Variants in PACS1 observed in about 807,000 individuals in gnomAD.
PACS1 encodes PACS-1.
PACS1 carries 24 observed loss-of-function variants against 115.0 expected under a neutral mutation model. The observed-to-expected ratio is 0.21, with a 90% CI of 0.15 to 0.29. The LOEUF (loss-of-function observed/expected upper bound fraction) is 0.29. Ranked by LOEUF, PACS1 falls within the 10% of genes least tolerant of loss-of-function variation. The probability of loss-of-function intolerance (pLI) is 1.00; values close to 1 mark genes in which losing one functional copy is unlikely to be tolerated. For missense variants in PACS1, 838 were observed against 1,251.2 expected (o/e 0.67, Z 4.98); for synonymous variants, 453 against 504.5 (o/e 0.90, Z 1.37).
chr11:66,076,327 C>T (rs377422234), intron 1 of PACS1, among the ~76,000 whole-genome samples: 6 of 152,192 alleles, frequency 3.9e-5, no homozygotes, highest in Middle Eastern at 3.4e-3. Context: ...GGAATGAGGG[C>T]GGGTACGCCT....
intron 1 of PACS1, among the ~76,000 whole-genome samples, chr11:66,133,143 G>C (rs1858740410): frequency 6.6e-6 from 1 of 152,174 alleles, no homozygotes; most frequent in Non-Finnish European, 1.5e-5. Flanking sequence ...TCTGACTCCA[G>C]AAAATTTCTG....
intron 11 of PACS1, among the ~76,000 whole-genome samples, chr11:66,228,710 A>T (rs1855515965): frequency 6.6e-6 from 1 of 152,176 alleles, no homozygotes; most frequent in African/African-American, 2.4e-5. Context: ...AAACTAATCC[A>T]TGAGGGTGAC....
intron 10 of PACS1, among the ~76,000 whole-genome samples, chr11:66,224,828 C>G (rs564806544): frequency 6.6e-6 from 1 of 152,188 alleles, no homozygotes; most frequent in Non-Finnish European, 1.5e-5. Context: ...CAGGTGTGCA[C>G]GCACCACCTC....
At chr11:66,082,429 TCA>T (rs1329646012) in intron 1 of PACS1, among the ~76,000 whole-genome samples, 1 of 152,088 alleles carries the variant, frequency 6.6e-6, no homozygotes, top group Non-Finnish European at 1.5e-5. Context: ...TGCCCTGGCC[TCA>T]AGTGATCCTC....
chr11:66,222,724 C>T (rs1472770145), intron 10 of PACS1, among the ~76,000 whole-genome samples: 2 of 152,088 alleles, frequency 1.3e-5, no homozygotes, highest in African/African-American at 2.4e-5. Context: ...AGTAATTGTG[C>T]GGAGATGATA....
At chr11:66,199,705 T>G (rs114466066) in intron 2 of PACS1, among the ~76,000 whole-genome samples, 1 of 151,852 alleles carries the variant, frequency 6.6e-6, no homozygotes, top group Non-Finnish European at 1.5e-5. Flanking sequence ...TCAAAAGACG[T>G]GGAGTAGTTG....
In PACS1 at chr11:66,243,600, A is replaced by G. The variant is rs1392412319; in HGVS notation, c.*320A>G. ...CAGGCCTTCCTTCACCCGACTTCCA[A>G]ACTCTTCCTTGTGGTATCAGTTTCC... On this transcript the variant is annotated 3_prime_UTR_variant, in exon 24 of 24. Transcript: ENST00000320580. 1.0e-5 allele frequency: 3 copies of G among 289,624 alleles called. No individual in the cohort carries two copies. Among genetic ancestry groups the G allele is most frequent in the South Asian group, 6.9e-5 (1 of 14,430 alleles). The allele number at this position is 289,624 out of a possible 1,614,324, so 17.9% of individuals were successfully genotyped here. A position where few individuals can be genotyped will look rare whatever the true frequency, so the allele number is the denominator to read the frequency against.
At chr11:66,130,551 A>G (rs921392778) in intron 1 of PACS1, among the ~76,000 whole-genome samples, 1 of 152,182 alleles carries the variant, frequency 6.6e-6, no homozygotes, top group Admixed American at 6.5e-5. Flanking sequence ...CCTTGGATAT[A>G]TATGTATTCT....
rs758277320 is a variant in PACS1, at chr11:66,233,040, C to T, written c.1812C>T (p.Ser604=). 26 of 1,610,636 alleles carry T rather than the reference C, an allele frequency of 1.6e-5. 1 individual carries two copies. The highest frequency in any genetic ancestry group is 8.8e-5 in the South Asian group (8 of 91,084). The change falls in exon 15 of 24, where the codon TCC becomes TCT. Residue 604 remains serine, a synonymous_variant. Transcript: ENST00000320580. This position sits in a 1 kb window ranked among gnomAD's most constrained non-coding sequence, Gnocchi z 4.5. ...CCGTGGAGGTCCAGGCCGTGCTGTC[C>T]GCCCTGCTCACCCGGATCCAGCGCT... is the stretch of plus-strand genomic sequence containing the variant. ...CSTVEVQAVL[S]ALLTRIQRYC...
intron 1 of PACS1, among the ~76,000 whole-genome samples, chr11:66,180,094 A>G (rs1413826497): frequency 6.6e-6 from 1 of 152,020 alleles, no homozygotes; most frequent in Admixed American, 6.6e-5. Flanking sequence ...CGCCTGCCTC[A>G]GCCTCCCAAA....
chr11:66,136,742 T>C (rs903046085), intron 1 of PACS1, among the ~76,000 whole-genome samples: 2 of 152,084 alleles, frequency 1.3e-5, no homozygotes, highest in Admixed American at 6.5e-5. Context: ...TTCCATTGTA[T>C]GGACTGCCCG....
In PACS1 at chr11:66,124,848, C is replaced by G. The variant is rs113009123; in HGVS notation, c.356+54006C>G. ...GTGAGTCCAGTGCTGGTTAACTGAG[C>G]AGCCTGGCAAAGGCATCAAGGAGCC... On this transcript the variant is annotated intron_variant, in intron 1 of 23. Transcript: ENST00000320580. 2.5e-4 allele frequency among the ~76,000 whole-genome samples: 38 copies of G among 152,306 alleles called. 1 individual carries two copies. The highest frequency in any genetic ancestry group is 8.9e-4 in the African/African-American group (37 of 41,584).
At chr11:66,139,441 T>G (rs931284907) in intron 1 of PACS1, among the ~76,000 whole-genome samples, 14 of 149,518 alleles carry the variant, frequency 9.4e-5, no homozygotes, top group African/African-American at 3.4e-4. Context: ...GCTTTGTAAC[T>G]TTTTTTTTTA....
intron 1 of PACS1, among the ~76,000 whole-genome samples, chr11:66,079,872 C>T (rs954701392): frequency 5.3e-5 from 8 of 152,310 alleles, no homozygotes; most frequent in South Asian, 2.1e-4. Flanking sequence ...CTTGTTCCTG[C>T]GGTGGGTCAC....
At chr11:66,232,043 C>T (rs1003873890) in intron 13 of PACS1, 129 bp from the exon 14 acceptor site, 2 of 622,606 alleles carry the variant, frequency 3.2e-6, no homozygotes. Flanking sequence ...GAGTCTCCCT[C>T]CCAAAGTCCT....
intron 1 of PACS1, among the ~76,000 whole-genome samples, chr11:66,141,884 C>T (rs1411872277): frequency 6.6e-6 from 1 of 152,050 alleles, no homozygotes; most frequent in Non-Finnish European, 1.5e-5. Flanking sequence ...CAGCTCACGG[C>T]AGCCTCTGTC....
At chr11:66,175,496 G>C (rs1021323696) in intron 1 of PACS1, among the ~76,000 whole-genome samples, 1 of 152,094 alleles carries the variant, frequency 6.6e-6, no homozygotes, top group Non-Finnish European at 1.5e-5. Context: ...GAGACTCATT[G>C]CATCTAGATT....
Position 66,236,290 on chromosome 11 carries a change from TC to T in PACS1, c.2250+352del, listed in dbSNP as rs1855702240. On this transcript the variant is annotated intron_variant, in intron 19 of 23. Transcript: ENST00000320580. The surrounding 1 kb of genome is among the most constrained non-coding windows in gnomAD (Gnocchi z 4.2). ...CCGCCTTTTCCAAATCACGAACTGT[TC>T]CTGGGTCCATCACTGATGTCTCCTG... Among the ~76,000 whole-genome samples, 1 of 152,206 alleles carries T rather than the reference TC, an allele frequency of 6.6e-6. No individual in the cohort carries two copies. The highest frequency in any genetic ancestry group is 2.4e-5 in the African/African-American group (1 of 41,446).
chr11:66,139,481 TCCACCCC>T (rs1858928762), intron 1 of PACS1, among the ~76,000 whole-genome samples: 2 of 139,356 alleles, frequency 1.4e-5, no homozygotes, highest in African/African-American at 5.2e-5. Flanking sequence ...TTCCCTCCCA[TCCACCCC>T]CCTAACCCCA....
Sources: allele counts gnomAD v4.1 joint callset (sites outside exome capture counted in the v4.1 genomes callset), GRCh38; gene constraint gnomAD v4.1.1; non-coding constraint Gnocchi (gnomAD v3.1); transcripts MANE v1.5; gene names NCBI Gene and HGNC (gene_info 2026-07-23, HGNC 2026-07-21).